Variants in SUGCT observed in about 807,000 individuals in gnomAD.
SUGCT encodes the protein succinyl-CoA:glutarate CoA-transferase.
A neutral mutation model predicts 55.0 loss-of-function variants in SUGCT; 41 were observed. The observed-to-expected ratio is 0.74, with a 90% CI of 0.58 to 0.97. The LOEUF (loss-of-function observed/expected upper bound fraction) is 0.97. SUGCT is among the 50% of genes least tolerant of loss of function. The pLI is 0.00. For missense variants in SUGCT, 568 were observed against 547.8 expected (o/e 1.04, Z -0.37); for synonymous variants, 187 against 200.4 (o/e 0.93, Z 0.56).
chr7:40,175,236 T>C (rs1427550444), intron 1 of SUGCT, among the ~76,000 whole-genome samples: 3 of 151,988 alleles, frequency 2.0e-5, no homozygotes, highest in Admixed American at 6.6e-5. Flanking sequence ...TTTTTTTTTT[T>C]CGAGACAGAG....
chr7:40,703,659 T>C (rs779800808), intron 12 of SUGCT, among the ~76,000 whole-genome samples: 1 of 152,206 alleles, frequency 6.6e-6, no homozygotes, highest in African/African-American at 2.4e-5. Flanking sequence ...TTTCCTGATA[T>C]TGATACTCAA....
At chr7:40,315,908 G>A (rs1387952908) in intron 8 of SUGCT, among the ~76,000 whole-genome samples, 1 of 152,040 alleles carries the variant, frequency 6.6e-6, no homozygotes, top group Non-Finnish European at 1.5e-5. Context: ...AATATTCATT[G>A]GAACATAAGA....
chr7:40,681,945 G>T (rs1267228291), intron 12 of SUGCT, among the ~76,000 whole-genome samples: 5 of 152,042 alleles, frequency 3.3e-5, no homozygotes, highest in Non-Finnish European at 7.4e-5. Context: ...GTTTGGTGGG[G>T]GTCTGGGTTT....
intron 12 of SUGCT, among the ~76,000 whole-genome samples, chr7:40,702,152 T>G (rs1293462761): frequency 6.6e-6 from 1 of 152,220 alleles, no homozygotes; most frequent in Non-Finnish European, 1.5e-5. Flanking sequence ...GCAGGGTGTT[T>G]GAAGGCAGCC....
chr7:40,650,195 G>A (rs1411476479), intron 12 of SUGCT, among the ~76,000 whole-genome samples: 4 of 152,316 alleles, frequency 2.6e-5, no homozygotes, highest in African/African-American at 9.6e-5. Context: ...CAACATGACA[G>A]CAGGAGTCCT....
intron 12 of SUGCT, among the ~76,000 whole-genome samples, chr7:40,605,252 C>A (rs887944017): frequency 6.6e-6 from 1 of 152,224 alleles, no homozygotes; most frequent in Non-Finnish European, 1.5e-5. Context: ...CCACCAGTTT[C>A]CTTTCATCGT....
chr7:40,332,443 A>ATTTTTTTTTTTTT (rs57902207), intron 9 of SUGCT, among the ~76,000 whole-genome samples: 2 of 139,352 alleles, frequency 1.4e-5, no homozygotes. Context: ...TCTGCATTGG[A>ATTTTTTTTTTTTT]TTTTTTTTTT....
chr7:40,416,029 T>A (rs1786982060), intron 9 of SUGCT, among the ~76,000 whole-genome samples: 1 of 152,062 alleles, frequency 6.6e-6, no homozygotes, highest in Non-Finnish European at 1.5e-5. Context: ...AAGTATACTT[T>A]GAAGCATATA....
intron 11 of SUGCT, among the ~76,000 whole-genome samples, chr7:40,493,216 G>A (rs147021909): frequency 6.6e-6 from 1 of 152,188 alleles, no homozygotes; most frequent in African/African-American, 2.4e-5. Context: ...GAATGAATTT[G>A]AGCAAGTTAA....
chr7:40,708,467 C>T (rs1785537111), intron 12 of SUGCT, among the ~76,000 whole-genome samples: 1 of 152,200 alleles, frequency 6.6e-6, no homozygotes, highest in East Asian at 1.9e-4. Context: ...ACTGCTCTCT[C>T]CTTTTATCTG....
chr7:41,011,746 G>T, the SUGCT span, among the ~76,000 whole-genome samples: 1 of 152,196 alleles, frequency 6.6e-6, no homozygotes, highest in Non-Finnish European at 1.5e-5. Flanking sequence ...GAACTGGATA[G>T]GTTATACAAA....
At chr7:40,496,132 A>G (rs1301308096) in intron 11 of SUGCT, among the ~76,000 whole-genome samples, 152 bp from the exon 12 acceptor site, 2 of 152,232 alleles carry the variant, frequency 1.3e-5, no homozygotes, top group African/African-American at 4.8e-5. Context: ...AAGTCATTTC[A>G]TACAGACAAC....
intron 8 of SUGCT, among the ~76,000 whole-genome samples, chr7:40,291,813 C>T (rs1054066497): frequency 7.2e-5 from 11 of 151,938 alleles, no homozygotes; most frequent in African/African-American, 2.4e-4. Context: ...TTATAGTTTG[C>T]GATGTGATAA....
chr7:40,962,556 A>T, the SUGCT span, among the ~76,000 whole-genome samples: 2 of 139,498 alleles, frequency 1.4e-5, no homozygotes, highest in African/African-American at 2.7e-5. Flanking sequence ...GAATTCCTTC[A>T]AAGGTAAATC....
intron 12 of SUGCT, among the ~76,000 whole-genome samples, chr7:40,739,626 C>G (rs1047221029): frequency 6.6e-6 from 1 of 152,138 alleles, no homozygotes; most frequent in Non-Finnish European, 1.5e-5. Context: ...CCCCCCAGCT[C>G]CAGTACACAT....
the SUGCT span, among the ~76,000 whole-genome samples, chr7:40,877,965 G>A: frequency 6.6e-6 from 1 of 152,098 alleles, no homozygotes; most frequent in African/African-American, 2.4e-5. Flanking sequence ...TCTCTTATCC[G>A]CTTCAGATAC....
chr7:40,839,286 A>G (rs1793155415), intron 13 of SUGCT, among the ~76,000 whole-genome samples: 2 of 152,108 alleles, frequency 1.3e-5, no homozygotes, highest in African/African-American at 4.8e-5. Flanking sequence ...TCTGTTGCTC[A>G]GGCTGGAGTG....
the SUGCT span, among the ~76,000 whole-genome samples, chr7:40,986,629 T>A: frequency 6.6e-6 from 1 of 152,204 alleles, no homozygotes; most frequent in African/African-American, 2.4e-5. Context: ...AAAACATTAG[T>A]AGCCTATTTT....
chr7:40,638,075 G>A (rs1800100528), intron 12 of SUGCT, among the ~76,000 whole-genome samples: 2 of 152,186 alleles, frequency 1.3e-5, no homozygotes, highest in African/African-American at 2.4e-5. Flanking sequence ...CCACAAAAGA[G>A]CTCCCTCCTG....
Sources: gnomAD v4.1 joint callset for allele counts (sites outside exome capture counted in the v4.1 genomes callset) on GRCh38, gnomAD v4.1.1 for gene constraint, MANE v1.5 for transcripts, NCBI Gene and HGNC (gene_info 2026-07-23, HGNC 2026-07-21) for gene names.